KIAA1217: variants seen among roughly 807,000 people sequenced by gnomAD.
KIAA1217 encodes the protein sickle tail protein homolog.
A neutral mutation model predicts 163.9 loss-of-function variants in KIAA1217; 88 were observed. The observed-to-expected ratio is 0.54, with a 90% CI of 0.45 to 0.64. The LOEUF (loss-of-function observed/expected upper bound fraction) is 0.64. Among genes scored for constraint, KIAA1217 ranks in the 30% least tolerant of loss-of-function variants. The pLI, the probability that KIAA1217 is intolerant of heterozygous loss-of-function variation, is 0.00. For missense variants in KIAA1217, 2,372 were observed against 2,475.0 expected (o/e 0.96, Z 0.88); for synonymous variants, 903 against 923.1 (o/e 0.98, Z 0.39).
At chr10:24,400,962 T>TACACACATACACAC (rs2056457572) in intron 3 of KIAA1217, among the ~76,000 whole-genome samples, 1 of 117,114 alleles carries the variant, frequency 8.5e-6, no homozygotes, top group African/African-American at 3.3e-5. Flanking sequence ...GCAAGAAACA[T>TACACACATACACAC]ACACACACAC....
Position 24,543,283 on chromosome 10 carries a change from A to C in KIAA1217, c.4013A>C (p.Gln1338Pro). 1 of 1,614,158 alleles carries C rather than the reference A, an allele frequency of 6.2e-7. No individual in the cohort carries two copies. The change falls in exon 19 of 21, where the codon CAA becomes CCA. Residue 1338 changes from glutamine (Q) to proline (P), a missense_variant. By Grantham distance (76) the Gln-to-Pro change is moderately conservative. Coordinates refer to ENST00000376454, the MANE Select transcript of KIAA1217 (RefSeq NM_019590.5). ...GTGCATGATTTTAAAACAGAAGATC[A>C]AGAGGTTATCACGACAGATTTTGGC... is the stretch of plus-strand genomic sequence containing the variant. ...SSVHDFKTED[Q>P]EVITTDFGQV...
intron 1 of KIAA1217, among the ~76,000 whole-genome samples, chr10:23,806,158 T>C (rs11013714): frequency 0.26 from 39,843 of 151,826 alleles, 6,032 homozygotes; most frequent in African/African-American, 0.42. Flanking sequence ...TATTGAGGGA[T>C]GTGTGTGTGT....
intron 1 of KIAA1217, among the ~76,000 whole-genome samples, chr10:23,870,811 A>T (rs1341308763): frequency 6.6e-6 from 1 of 152,070 alleles, no homozygotes; most frequent in Non-Finnish European, 1.5e-5. Flanking sequence ...CTGCTATGTC[A>T]TCAGCACCCT....
At chr10:23,848,544 A>C (rs781225571) in intron 1 of KIAA1217, among the ~76,000 whole-genome samples, 3 of 152,032 alleles carry the variant, frequency 2.0e-5, no homozygotes, top group Non-Finnish European at 4.4e-5. Flanking sequence ...TGAACTCAGG[A>C]GTCTCCTGCA....
chr10:24,404,178 C>T (rs1390033381), intron 3 of KIAA1217, among the ~76,000 whole-genome samples: 4 of 152,168 alleles, frequency 2.6e-5, no homozygotes, highest in African/African-American at 9.7e-5. Flanking sequence ...AGGCTGGTCT[C>T]GAACTCTGGG....
At chr10:23,828,278 G>A (rs1235052138) in intron 1 of KIAA1217, among the ~76,000 whole-genome samples, 5 of 152,106 alleles carry the variant, frequency 3.3e-5, no homozygotes, top group African/African-American at 9.7e-5. Flanking sequence ...TAGGCATAGA[G>A]TTCTAGCTTG....
chr10:24,273,946 A>G (rs1192756091), intron 2 of KIAA1217, among the ~76,000 whole-genome samples: 1 of 152,036 alleles, frequency 6.6e-6, no homozygotes, highest in Admixed American at 6.6e-5. Flanking sequence ...AAAATGTAGG[A>G]TCTTAGTCCA....
intron 2 of KIAA1217, chr10:24,255,211 A>C: frequency 4.6e-6 from 1 of 215,982 alleles, no homozygotes; most frequent in East Asian, 1.6e-4. Context: ...AGTGAGAACT[A>C]CGGAAAAGAG....
intron 5 of KIAA1217, among the ~76,000 whole-genome samples, chr10:24,459,248 T>C (rs2062113037): frequency 6.6e-6 from 1 of 152,170 alleles, no homozygotes; most frequent in South Asian, 2.1e-4. Context: ...GGGACCTCTT[T>C]CTTACCTGCT....
intron 1 of KIAA1217, among the ~76,000 whole-genome samples, chr10:23,703,070 A>G (rs896789777): frequency 6.6e-6 from 1 of 151,784 alleles, no homozygotes; most frequent in Admixed American, 6.6e-5. Context: ...CCCTCCCCCT[A>G]GTGGCGATTA....
intron 1 of KIAA1217, among the ~76,000 whole-genome samples, chr10:23,709,542 A>G (rs1185052570): frequency 6.6e-6 from 1 of 152,050 alleles, no homozygotes; most frequent in African/African-American, 2.4e-5. Context: ...AAAAGAAAAA[A>G]AAAAAATAAA....
chr10:24,199,771 C>G (rs1024933630), intron 2 of KIAA1217, among the ~76,000 whole-genome samples: 1 of 152,012 alleles, frequency 6.6e-6, no homozygotes, highest in Non-Finnish European at 1.5e-5. Flanking sequence ...AAACTGACCA[C>G]GTGAATGTCC....
At chr10:24,321,718 G>A (rs376307446) in intron 2 of KIAA1217, among the ~76,000 whole-genome samples, 8 of 152,234 alleles carry the variant, frequency 5.3e-5, no homozygotes, top group Non-Finnish European at 7.4e-5. Context: ...TAGGGTAGTC[G>A]AATTCAGAGA....
At chr10:23,953,900 A>G (rs1210940383) in intron 1 of KIAA1217, among the ~76,000 whole-genome samples, 1 of 152,250 alleles carries the variant, frequency 6.6e-6, no homozygotes, top group Non-Finnish European at 1.5e-5. Context: ...CTTTATTTCC[A>G]GAAGGCTTTA....
chr10:23,935,941 TAAAGGTCCTGATTAC>T (rs1471673538), intron 1 of KIAA1217, among the ~76,000 whole-genome samples: 30 of 152,110 alleles, frequency 2.0e-4, no homozygotes, highest in Non-Finnish European at 4.0e-4. Context: ...GGTTTGATAA[TAAAGGTCCTGATTAC>T]AAAAGAGACT....
chr10:24,391,544 T>C (rs932993034), intron 3 of KIAA1217, among the ~76,000 whole-genome samples: 6 of 151,868 alleles, frequency 4.0e-5, no homozygotes, highest in African/African-American at 1.5e-4. Context: ...AAGGTTTCAC[T>C]ATGTTGGCCA....
chr10:24,398,291 C>T (rs1473664193), intron 3 of KIAA1217, among the ~76,000 whole-genome samples: 1 of 152,162 alleles, frequency 6.6e-6, no homozygotes, highest in African/African-American at 2.4e-5. Flanking sequence ...TTAAGCTCTT[C>T]ATCCCCATCA....
chr10:24,044,916 G>C (rs1036936427), intron 2 of KIAA1217, among the ~76,000 whole-genome samples: 2 of 152,006 alleles, frequency 1.3e-5, no homozygotes, highest in Non-Finnish European at 2.9e-5. Context: ...GCATTCCTCA[G>C]TTCTTCTGCC....
chr10:23,912,861 C>T (rs1356754571), intron 1 of KIAA1217, among the ~76,000 whole-genome samples: 1 of 152,134 alleles, frequency 6.6e-6, no homozygotes, highest in Non-Finnish European at 1.5e-5. Flanking sequence ...ATCATTTAGA[C>T]ACTGGCTGCA....
Sources: allele counts gnomAD v4.1 joint callset (sites outside exome capture counted in the v4.1 genomes callset), GRCh38; gene constraint gnomAD v4.1.1; transcripts MANE v1.5; gene names NCBI Gene and HGNC (gene_info 2026-07-23, HGNC 2026-07-21).